Variants in COL19A1 observed in about 807,000 individuals in gnomAD.
COL19A1 encodes the protein collagen alpha-1(XIX) chain.
In COL19A1, 159 loss-of-function variants were observed where a neutral mutation model predicts 190.2. That is an observed-to-expected ratio of 0.84 (90% CI 0.73 to 0.95). The LOEUF (loss-of-function observed/expected upper bound fraction) is 0.95, where lower values mean the gene tolerates loss of function less well. Ranked by LOEUF, COL19A1 falls within the 40% of genes least tolerant of loss-of-function variation. COL19A1 has a pLI of 0.00. For synonymous variants in COL19A1, 509 were observed against 458.9 expected (o/e 1.11, Z -1.39); for missense variants, 1,418 against 1,431.9 (o/e 0.99, Z 0.16).
At chr6:70,106,530 A>G (rs1051003156) in intron 16 of COL19A1, among the ~76,000 whole-genome samples, 1 of 152,230 alleles carries the variant, frequency 6.6e-6, no homozygotes, top group African/African-American at 2.4e-5. Flanking sequence ...TAGCTTAACT[A>G]TTATTCAATA....
At position 70,087,859 on chromosome 6, in the gene COL19A1, A is replaced by T. The variant is rs142085705; in HGVS notation, c.1225-14310A>T. 2.3e-3 allele frequency among the ~76,000 whole-genome samples: 353 copies of T among 152,342 alleles called. 5 individuals carry two copies. Among genetic ancestry groups the T allele is most frequent in the East Asian group, 5.8e-3 (30 of 5,192 alleles). ...TCCCATAAGTTATCCATGATGACAC[A>T]CTAGTGTCGGCACTAGAGAGCACAT... On this transcript the variant is annotated intron_variant, in intron 15 of 50. Transcript: ENST00000620364.
At chr6:70,092,368 C>T (rs976882497) in intron 15 of COL19A1, among the ~76,000 whole-genome samples, 1 of 152,104 alleles carries the variant, frequency 6.6e-6, no homozygotes, top group Non-Finnish European at 1.5e-5. Context: ...TGTCTAAATG[C>T]CTGTTGCAAA....
chr6:70,145,770 G>A (rs1786595509), intron 25 of COL19A1, among the ~76,000 whole-genome samples: 2 of 137,920 alleles, frequency 1.5e-5, no homozygotes, highest in South Asian at 4.6e-4. Context: ...ACCCAGGCTA[G>A]AGTGCAGTGG....
At chr6:70,071,869 T>C (rs1332730275) in intron 15 of COL19A1, among the ~76,000 whole-genome samples, 2 of 151,950 alleles carry the variant, frequency 1.3e-5, no homozygotes, top group Non-Finnish European at 2.9e-5. Context: ...TTCAGCAGAA[T>C]TAAAATTTGG....
At chr6:69,875,349 C>T (rs1768072272) in intron 1 of COL19A1, among the ~76,000 whole-genome samples, 2 of 152,222 alleles carry the variant, frequency 1.3e-5, no homozygotes, top group East Asian at 1.9e-4. Context: ...ATTCAAAGTA[C>T]AATGGGAAGC....
intron 9 of COL19A1, among the ~76,000 whole-genome samples, chr6:69,953,643 C>G (rs1774250007): frequency 6.6e-6 from 1 of 151,998 alleles, no homozygotes; most frequent in Admixed American, 6.6e-5. Context: ...ATGCCTTCCA[C>G]TCACACCCCA....
At chr6:70,116,605 C>A (rs147971786) in intron 16 of COL19A1, among the ~76,000 whole-genome samples, 9 of 152,136 alleles carry the variant, frequency 5.9e-5, no homozygotes, top group Admixed American at 5.9e-4. Context: ...ATTATTTTTT[C>A]ATCTCACCAT....
At chr6:70,135,911 G>A (rs565079348) in intron 18 of COL19A1, among the ~76,000 whole-genome samples, 1 of 152,056 alleles carries the variant, frequency 6.6e-6, no homozygotes, top group African/African-American at 2.4e-5. Flanking sequence ...TTCCACCCAG[G>A]GGGTGGAATT....
intron 18 of COL19A1, among the ~76,000 whole-genome samples, chr6:70,136,322 G>A (rs1785870098): frequency 6.6e-6 from 1 of 152,118 alleles, no homozygotes; most frequent in Non-Finnish European, 1.5e-5. Flanking sequence ...CACATCCACA[G>A]GGGTCAGGAT....
chr6:70,031,536 C>G (rs1350423310), intron 12 of COL19A1, among the ~76,000 whole-genome samples: 1 of 151,770 alleles, frequency 6.6e-6, no homozygotes, highest in Non-Finnish European at 1.5e-5. Flanking sequence ...TTTTTTGCTC[C>G]CACATGTAAG....
intron 4 of COL19A1, among the ~76,000 whole-genome samples, chr6:69,926,503 A>G (rs186439698): frequency 6.1e-4 from 93 of 152,238 alleles, no homozygotes; most frequent in Non-Finnish European, 9.1e-4. Context: ...ATAAAACAGA[A>G]ATGAAAAATT....
chr6:70,066,706 T>C (rs866164608), intron 14 of COL19A1, among the ~76,000 whole-genome samples: 57 of 152,120 alleles, frequency 3.7e-4, no homozygotes, highest in African/African-American at 1.3e-3. Context: ...GGCCTTTTAG[T>C]TTCAACGTAG....
intron 4 of COL19A1, among the ~76,000 whole-genome samples, chr6:69,914,985 A>T (rs767415944): frequency 1.3e-5 from 2 of 152,190 alleles, no homozygotes; most frequent in Non-Finnish European, 2.9e-5. Context: ...GCAAAAGATC[A>T]AACAGGAAAC....
intron 40 of COL19A1, among the ~76,000 whole-genome samples, chr6:70,171,258 C>T (rs1402197788): frequency 6.6e-6 from 1 of 152,172 alleles, no homozygotes; most frequent in African/African-American, 2.4e-5. Flanking sequence ...AAATATTGAA[C>T]ACCCCTTCCC....
chr6:70,020,971 T>C (rs1158179577), intron 11 of COL19A1, among the ~76,000 whole-genome samples: 1 of 152,196 alleles, frequency 6.6e-6, no homozygotes, highest in African/African-American at 2.4e-5. Flanking sequence ...TTCTATTCTT[T>C]ACCCTGAAGG....
intron 27 of COL19A1, 118 bp from the exon 28 acceptor site, chr6:70,149,586 C>T (rs576137526): frequency 1.7e-5 from 22 of 1,272,742 alleles, no homozygotes; most frequent in South Asian, 4.3e-5. Flanking sequence ...CACGTGTGTA[C>T]GGTGGCAAAC....
Position 69,921,433 on chromosome 6 carries a change from TA to T in COL19A1, c.267-6475del, listed in dbSNP as rs1368776387. ...TATCATATATCATATATATCATATA[TA>T]TCATATATATCATATATCATATATA... On this transcript the variant is annotated intron_variant, in intron 4 of 50. Transcript: ENST00000620364. Among the ~76,000 whole-genome samples, 19 of 109,646 alleles carry T rather than the reference TA, an allele frequency of 1.7e-4. 1 individual carries two copies. The highest frequency in any genetic ancestry group is 3.0e-4 in the African/African-American group (7 of 23,530). The allele number at this position is 109,646 out of a possible 152,430, so 71.9% of individuals were successfully genotyped here.
At chr6:69,871,809 ATTTTT>A (rs556851857) in intron 1 of COL19A1, among the ~76,000 whole-genome samples, 13 of 110,376 alleles carry the variant, frequency 1.2e-4, no homozygotes, top group Admixed American at 5.2e-4. Context: ...CAAGTCCACC[ATTTTT>A]TTTTTTTTTT....
intron 10 of COL19A1, among the ~76,000 whole-genome samples, chr6:69,961,532 T>C (rs1774797480): frequency 6.6e-6 from 1 of 152,224 alleles, no homozygotes; most frequent in East Asian, 1.9e-4. Context: ...GCAGCTTCAA[T>C]GTCAGCTTGA....
Sources: gnomAD v4.1 joint callset for allele counts (sites outside exome capture counted in the v4.1 genomes callset) on GRCh38, gnomAD v4.1.1 for gene constraint, MANE v1.5 for transcripts, NCBI Gene and HGNC (gene_info 2026-07-23, HGNC 2026-07-21) for gene names.